Variants in MDGA2 observed in about 807,000 individuals in gnomAD.
MDGA2 encodes the protein MAM domain-containing glycosylphosphatidylinositol anchor protein 2.
A neutral mutation model predicts 117.8 loss-of-function variants in MDGA2; 40 were observed. The ratio of observed to expected loss-of-function variants is 0.34; its 90% CI spans 0.26 to 0.44. MDGA2 has a LOEUF of 0.44. MDGA2 is among the 20% of genes least tolerant of loss of function. The pLI, the probability that MDGA2 is intolerant of heterozygous loss-of-function variation, is 1.00. For synonymous variants in MDGA2, 452 were observed against 439.0 expected (o/e 1.03, Z -0.37); for missense variants, 1,123 against 1,250.6 (o/e 0.90, Z 1.54).
intron 5 of MDGA2, among the ~76,000 whole-genome samples, chr14:47,123,724 G>A (rs942333503): frequency 6.6e-6 from 1 of 151,936 alleles, no homozygotes; most frequent in African/African-American, 2.4e-5. Context: ...CATATGCAGT[G>A]ACAAAAGTCA....
At chr14:47,660,858 A>C (rs1319541187) in intron 1 of MDGA2, among the ~76,000 whole-genome samples, 1 of 152,228 alleles carries the variant, frequency 6.6e-6, no homozygotes, top group Non-Finnish European at 1.5e-5. Flanking sequence ...CTAATTATGA[A>C]TAAGCTTAAA....
chr14:46,936,882 A>G (rs898959396), intron 9 of MDGA2, among the ~76,000 whole-genome samples: 11 of 152,148 alleles, frequency 7.2e-5, no homozygotes, highest in Admixed American at 7.2e-4. Flanking sequence ...AAGAACTGGA[A>G]CAAGACAAGG....
chr14:47,461,726 G>T (rs1371811604), intron 1 of MDGA2, among the ~76,000 whole-genome samples: 1 of 152,108 alleles, frequency 6.6e-6, no homozygotes, highest in African/African-American at 2.4e-5. Context: ...AGGTAGGTAT[G>T]TATTGAAAAG....
At chr14:47,403,346 T>C (rs1892194167) in intron 1 of MDGA2, among the ~76,000 whole-genome samples, 1 of 152,164 alleles carries the variant, frequency 6.6e-6, no homozygotes, top group African/African-American at 2.4e-5. Flanking sequence ...GGAAATAAGA[T>C]TTTTTTCCTC....
At chr14:47,304,254 C>T (rs1232025693) in intron 1 of MDGA2, among the ~76,000 whole-genome samples, 5 of 152,064 alleles carry the variant, frequency 3.3e-5, no homozygotes, top group East Asian at 1.9e-4. Flanking sequence ...TCTTATTTCC[C>T]GATTAGGAAA....
At chr14:47,470,265 G>GCCCCC (rs66485872) in intron 1 of MDGA2, among the ~76,000 whole-genome samples, 1 of 124,940 alleles carries the variant, frequency 8.0e-6, no homozygotes, top group Admixed American at 8.4e-5. Flanking sequence ...CCTTCCCCCA[G>GCCCCC]CCCCCCCACC....
intron 2 of MDGA2, among the ~76,000 whole-genome samples, chr14:47,291,114 G>A (rs1888872074): frequency 6.6e-6 from 1 of 152,194 alleles, no homozygotes; most frequent in African/African-American, 2.4e-5. Flanking sequence ...CAGCTAGATT[G>A]TATTGCCTGA....
chr14:47,546,914 A>G (rs1334020795), intron 1 of MDGA2, among the ~76,000 whole-genome samples: 1 of 152,218 alleles, frequency 6.6e-6, no homozygotes, highest in East Asian at 1.9e-4. Flanking sequence ...TTAGGCACAC[A>G]GTAAATGGAA....
At chr14:47,570,454 G>T (rs776958323) in intron 1 of MDGA2, among the ~76,000 whole-genome samples, 1 of 152,136 alleles carries the variant, frequency 6.6e-6, no homozygotes, top group Non-Finnish European at 1.5e-5. Context: ...TGTGCAAAAT[G>T]AGGATAATAA....
At chr14:47,255,162 C>T (rs1319180733) in intron 2 of MDGA2, among the ~76,000 whole-genome samples, 3 of 152,096 alleles carry the variant, frequency 2.0e-5, no homozygotes, top group African/African-American at 7.2e-5. Flanking sequence ...AAACAGAAAA[C>T]AGAATTCTGA....
chr14:47,303,451 A>T (rs17672113), intron 1 of MDGA2, among the ~76,000 whole-genome samples: 42,340 of 151,942 alleles, frequency 0.28, 6,697 homozygotes, highest in Admixed American at 0.47. Context: ...TGGTTTTATG[A>T]CATTAGAAAT....
At chr14:47,543,149 G>C (rs931917300) in intron 1 of MDGA2, among the ~76,000 whole-genome samples, 1 of 152,124 alleles carries the variant, frequency 6.6e-6, no homozygotes, top group East Asian at 1.9e-4. Context: ...GGTCGAAGCT[G>C]CTGTAAGCCA....
chr14:47,251,931 G>GTACCATTAT (rs1887459696), intron 2 of MDGA2, among the ~76,000 whole-genome samples: 1 of 150,368 alleles, frequency 6.7e-6, no homozygotes. Flanking sequence ...GGTTTCTCTT[G>GTACCATTAT]TATTATTATT....
intron 14 of MDGA2, among the ~76,000 whole-genome samples, chr14:46,861,922 A>C (rs1430067328): frequency 6.6e-6 from 1 of 151,990 alleles, no homozygotes; most frequent in Non-Finnish European, 1.5e-5. Context: ...AATAGAATAA[A>C]GCTATTCAAG....
At chr14:47,311,988 A>T (rs1235489738) in intron 1 of MDGA2, among the ~76,000 whole-genome samples, 1 of 152,174 alleles carries the variant, frequency 6.6e-6, no homozygotes, top group Non-Finnish European at 1.5e-5. Context: ...CTGATAAAAA[A>T]GATACTCTTA....
Position 47,096,843 on chromosome 14 carries a change from A to G in MDGA2, c.1195+11T>C. 6.2e-7 allele frequency: 1 copy of G among 1,610,354 alleles called. No homozygotes were observed. The highest frequency in any genetic ancestry group is 8.5e-7 in the Non-Finnish European group (1 of 1,177,078). On this transcript the variant is annotated intron_variant, in intron 6 of 16. Transcript: ENST00000399232. ...GGAATCTACGTTGTAACATTCTTTC[A>G]GCAAACTTACCTCTCACAATGATGT...
chr14:47,396,507 G>T (rs1040432425), intron 1 of MDGA2, among the ~76,000 whole-genome samples: 1 of 152,130 alleles, frequency 6.6e-6, no homozygotes. Flanking sequence ...TTAAACTGAA[G>T]AGCTTCTGCA....
chr14:46,981,233 G>A lies in MDGA2; in HGVS notation c.1820-23590C>T, dbSNP rs142307632. Among the ~76,000 whole-genome samples, 34 of 151,586 alleles carry A rather than the reference G, an allele frequency of 2.2e-4. No homozygotes were observed. The East Asian group carries it at 3.9e-3, about 17-fold the overall frequency. On this transcript the variant is annotated intron_variant, in intron 8 of 16. Transcript: ENST00000399232. ...AGCCTGACCAACATGGTGAAACCCC[G>A]TCTCTACTAAAAATACAAAAACTAG...
At chr14:47,087,814 A>T (rs1890961588) in intron 6 of MDGA2, among the ~76,000 whole-genome samples, 1 of 151,966 alleles carries the variant, frequency 6.6e-6, no homozygotes, top group Non-Finnish European at 1.5e-5. Context: ...AAAAAAAAAA[A>T]AAAAACTACC....
Sources: allele counts gnomAD v4.1 joint callset (sites outside exome capture counted in the v4.1 genomes callset), GRCh38; gene constraint gnomAD v4.1.1; transcripts MANE v1.5; gene names NCBI Gene and HGNC (gene_info 2026-07-23, HGNC 2026-07-21).